Variants in PPA2 observed in about 807,000 individuals in gnomAD.
PPA2 encodes inorganic pyrophosphatase 2.
PPA2 carries 48 observed loss-of-function variants against 49.5 expected under a neutral mutation model. The observed-to-expected ratio is 0.97, with a 90% CI of 0.77 to 1.23. The LOEUF (loss-of-function observed/expected upper bound fraction) is 1.23, where lower values mean the gene tolerates loss of function less well. Ranked by LOEUF, PPA2 falls within the 50% of genes most tolerant of loss-of-function variation. The probability of loss-of-function intolerance (pLI) is 0.00; values close to 1 mark genes in which losing one functional copy is unlikely to be tolerated. For synonymous variants in PPA2, 131 were observed against 139.9 expected (o/e 0.94, Z 0.45); for missense variants, 429 against 410.1 (o/e 1.05, Z -0.40).
intron 7 of PPA2, among the ~76,000 whole-genome samples, chr4:105,404,635 T>C (rs1722376570): frequency 6.6e-6 from 1 of 152,182 alleles, no homozygotes; most frequent in South Asian, 2.1e-4. Flanking sequence ...GTCATGGGGA[T>C]TAAATAATGG....
At position 105,424,183 on chromosome 4, in the gene PPA2, GTA is replaced by G; in HGVS notation, c.655+11_655+12del. 6.3e-7 allele frequency: 1 copy of G among 1,594,338 alleles called. No individual in the cohort carries two copies. Among genetic ancestry groups the G allele is most frequent in the East Asian group, 2.3e-5 (1 of 44,142 alleles). On this transcript the variant is annotated intron_variant, in intron 7 of 11. Transcript: ENST00000341695. ...CTAATTTGCTTTCACTTTCTGGAAAGTAACAGTCTTACCATGAAACTTTGAGG... is the reference window on the plus strand; with the variant it reads ...CTAATTTGCTTTCACTTTCTGGAAAGACAGTCTTACCATGAAACTTTGAGG...
Position 105,386,701 on chromosome 4 carries a change from CA to C in PPA2, c.870-66del. The C allele has an allele frequency of 2.3e-6, 3 of 1,300,760 alleles. No individual in the cohort carries two copies. In the South Asian group the frequency reaches 3.8e-5, roughly 16 times the overall value. 80.6% of individuals were successfully genotyped at this position (1,300,760 alleles called of 1,614,324 possible). A position where few individuals can be genotyped will look rare whatever the true frequency, so the allele number is the denominator to read the frequency against. On this transcript the variant is annotated intron_variant, in intron 9 of 11. Coordinates refer to ENST00000341695, the MANE Select transcript of PPA2 (RefSeq NM_176869.3). ...AAAGAAACAATTACCAAAAAAACCC[CA>C]AAAACTAACTCCAAATACTCCACAT...
At chr4:105,450,598 A>ATTATTTTTTTTTTT in intron 3 of PPA2, among the ~76,000 whole-genome samples, 1 of 63,322 alleles carries the variant, frequency 1.6e-5, no homozygotes, top group South Asian at 5.8e-4. Flanking sequence ...CTGGTCTGGA[A>ATTATTTTTTTTTTT]TTCTTTTTTT....
intron 7 of PPA2, 106 bp from the exon 8 acceptor site, chr4:105,399,270 A>G: frequency 9.3e-7 from 1 of 1,075,388 alleles, no homozygotes; most frequent in Non-Finnish European, 1.3e-6. Flanking sequence ...GCCCAGTCTA[A>G]CCAGAAGCAC....
At position 105,399,087 on chromosome 4, in the gene PPA2, C is replaced by T. The variant is rs768228326; in HGVS notation, c.733G>A (p.Asp245Asn). The change falls in exon 8 of 12, where the codon GAT becomes AAT. Residue 245 changes from aspartate (D) to asparagine (N), a missense_variant. Asp to Asn is a conservative substitution (Grantham distance 23). Coordinates refer to ENST00000341695, the MANE Select transcript of PPA2 (RefSeq NM_176869.3). ...GCAAACTGGTTTTCTGGTTTTCCATCTGGTACCTTATATAATCTAAACCAA... is the reference window on the plus strand; with the variant it reads ...GCAAACTGGTTTTCTGGTTTTCCATTTGGTACCTTATATAATCTAAACCAA... ...LNWFRLYKVPDGKPENQFAFN... is the reference protein window; with the variant it reads ...LNWFRLYKVPNGKPENQFAFN... 81 of 1,610,866 alleles carry T rather than the reference C, an allele frequency of 5.0e-5. No individual in the cohort carries two copies. The highest frequency in any genetic ancestry group is 6.8e-5 in the Non-Finnish European group (80 of 1,179,218).
At position 105,473,775 on chromosome 4, in the gene PPA2, G is replaced by C. The variant is rs555806887; in HGVS notation, c.157+119C>G. On this transcript the variant is annotated intron_variant, in intron 1 of 11. Coordinates refer to ENST00000341695, the MANE Select transcript of PPA2 (RefSeq NM_176869.3). ...AGGTGGCCTGGACCGCGCGGCTACCGCTGAGGGCCCCAAAAAGAGAGAAGG... is the reference window on the plus strand; with the variant it reads ...AGGTGGCCTGGACCGCGCGGCTACCCCTGAGGGCCCCAAAAAGAGAGAAGG... 1.2e-5 allele frequency: 17 copies of C among 1,430,786 alleles called. No individual in the cohort carries two copies. The African/African-American group carries it at 2.0e-4, about 17-fold the overall frequency. 88.6% of individuals were successfully genotyped at this position (1,430,786 alleles called of 1,614,324 possible).
chr4:105,394,673 T>C (rs1340813692), intron 9 of PPA2, among the ~76,000 whole-genome samples: 1 of 152,074 alleles, frequency 6.6e-6, no homozygotes, highest in East Asian at 1.9e-4. Context: ...AGCTTAGAAA[T>C]AAAGTTACCT....
chr4:105,415,685 T>C (rs1361918477), intron 7 of PPA2, among the ~76,000 whole-genome samples: 1 of 152,188 alleles, frequency 6.6e-6, no homozygotes, highest in Non-Finnish European at 1.5e-5. Context: ...CACCTGTTCC[T>C]GGCTCCTGTA....
rs1429020405 is a variant in PPA2, at chr4:105,449,212, G to A, written c.321+138C>T. ...AGCCTGGGCGACAGAGCGAGACTCCGTCTCAAAAAAAAAAAAAAAAAAAAA... is the reference window on the plus strand; with the variant it reads ...AGCCTGGGCGACAGAGCGAGACTCCATCTCAAAAAAAAAAAAAAAAAAAAA... On this transcript the variant is annotated intron_variant, in intron 4 of 11. Coordinates refer to ENST00000341695, the MANE Select transcript of PPA2 (RefSeq NM_176869.3). 10 of 279,554 alleles carry A rather than the reference G, an allele frequency of 3.6e-5. No homozygotes were observed. In the East Asian group the frequency reaches 4.4e-4, roughly 12 times the overall value. 17.3% of individuals were successfully genotyped at this position (279,554 alleles called of 1,614,324 possible).
chr4:105,458,130 T>G (rs1057408782), intron 1 of PPA2, among the ~76,000 whole-genome samples: 1 of 151,646 alleles, frequency 6.6e-6, no homozygotes, highest in Non-Finnish European at 1.5e-5. Flanking sequence ...TCCACACTAA[T>G]ACAAACAAAT....
chr4:105,370,165 C>T (rs2110355159), intron 11 of PPA2, among the ~76,000 whole-genome samples: 1 of 152,276 alleles, frequency 6.6e-6, no homozygotes, highest in African/African-American at 2.4e-5. Context: ...ATAAGGAATA[C>T]AGTTTGCTTT....
At chr4:105,432,388 T>C (rs567549903) in intron 6 of PPA2, among the ~76,000 whole-genome samples, 11 of 152,340 alleles carry the variant, frequency 7.2e-5, no homozygotes, top group South Asian at 4.1e-4. Flanking sequence ...GAACAAACTT[T>C]ATGCAGAAAA....
In PPA2 at chr4:105,466,411, A is replaced by G. The variant is rs150699852; in HGVS notation, c.157+7483T>C. On this transcript the variant is annotated intron_variant, in intron 1 of 11. Transcript: ENST00000341695. ...GTGCAGAAGCAATGATTATGTGTTT[A>G]TTCTATCACATATCATAAGCACTAT... 4.2e-3 allele frequency among the ~76,000 whole-genome samples: 643 copies of G among 152,186 alleles called. 8 individuals are homozygous for G. Among genetic ancestry groups the G allele is most frequent in the African/African-American group, 0.015 (623 of 41,506 alleles).
intron 7 of PPA2, among the ~76,000 whole-genome samples, chr4:105,402,068 A>T (rs769872941): frequency 6.6e-6 from 1 of 152,168 alleles, no homozygotes; most frequent in Non-Finnish European, 1.5e-5. Flanking sequence ...GTTAATTTGA[A>T]TGTTCTGAAA....
chr4:105,429,063 G>A (rs1723672813), intron 6 of PPA2, among the ~76,000 whole-genome samples: 2 of 152,082 alleles, frequency 1.3e-5, no homozygotes, highest in South Asian at 2.1e-4. Flanking sequence ...CTATTCTGGA[G>A]GGAATTTCTC....
chr4:105,463,340 ATGATTTAGGGTAT>A (rs1391871460), intron 1 of PPA2, among the ~76,000 whole-genome samples: 2 of 152,172 alleles, frequency 1.3e-5, no homozygotes, highest in Non-Finnish European at 2.9e-5. Flanking sequence ...CTTGAGAGAG[ATGATTTAGGGTAT>A]CTAGTGGAGG....
intron 7 of PPA2, chr4:105,405,300 T>C (rs1321476779): frequency 1.4e-6 from 1 of 732,316 alleles, no homozygotes; most frequent in Non-Finnish European, 1.7e-6. Flanking sequence ...TACACATGCA[T>C]ACTTATTAAT....
chr4:105,456,464 G>A (rs1722879612), intron 2 of PPA2: 1 of 513,542 alleles, frequency 1.9e-6, no homozygotes, highest in African/African-American at 1.9e-5. Flanking sequence ...TAAGTTTTAT[G>A]TACCAGTAAC....
At chr4:105,415,077 G>C (rs907570102) in intron 7 of PPA2, among the ~76,000 whole-genome samples, 6 of 152,196 alleles carry the variant, frequency 3.9e-5, no homozygotes, top group Non-Finnish European at 7.3e-5. Context: ...GGGAGGAAGT[G>C]TGTGCTGATT....
Sources: allele counts gnomAD v4.1 joint callset (sites outside exome capture counted in the v4.1 genomes callset), GRCh38; gene constraint gnomAD v4.1.1; transcripts MANE v1.5; gene names NCBI Gene and HGNC (gene_info 2026-07-23, HGNC 2026-07-21).